Variants in PAG1 observed in about 807,000 individuals in gnomAD.
PAG1 encodes the protein phosphoprotein associated with glycosphingolipid-enriched microdomains 1.
In PAG1, 23 loss-of-function variants were observed where a neutral mutation model predicts 31.7. The observed-to-expected ratio is 0.73, with a 90% CI of 0.52 to 1.03. PAG1 has a LOEUF of 1.03. Ranked by LOEUF, PAG1 falls within the 50% of genes least tolerant of loss-of-function variation. The pLI, the probability that PAG1 is intolerant of heterozygous loss-of-function variation, is 0.00. For missense variants in PAG1, 473 were observed against 540.7 expected (o/e 0.87, Z 1.24); for synonymous variants, 214 against 210.3 (o/e 1.02, Z -0.15).
intron 1 of PAG1, among the ~76,000 whole-genome samples, chr8:81,092,841 C>T (rs972708999): frequency 6.6e-6 from 1 of 152,166 alleles, no homozygotes; most frequent in African/African-American, 2.4e-5. Context: ...TGGTAGTGAG[C>T]TTTAACAGGA....
At chr8:81,088,125 TG>T (rs1809389519) in intron 1 of PAG1, among the ~76,000 whole-genome samples, 1 of 152,224 alleles carries the variant, frequency 6.6e-6, no homozygotes, top group Non-Finnish European at 1.5e-5. Context: ...TCTTTAATTA[TG>T]TATTATTTAC....
At chr8:81,046,846 C>A (rs1052611846) in intron 2 of PAG1, among the ~76,000 whole-genome samples, 1 of 152,106 alleles carries the variant, frequency 6.6e-6, no homozygotes, top group Admixed American at 6.5e-5. Context: ...CCTCCTCCTA[C>A]CCCCCAACCC....
At chr8:80,999,337 AG>A (rs1429538434) in intron 3 of PAG1, among the ~76,000 whole-genome samples, 1 of 152,182 alleles carries the variant, frequency 6.6e-6, no homozygotes, top group African/African-American at 2.4e-5. Context: ...TCCTGCACTG[AG>A]TCAGGGGCAG....
Position 81,056,519 on chromosome 8 carries a change from G to A in PAG1, c.-175+13593C>T, listed in dbSNP as rs978117756. ...TGCTGGGAAAACTGGCTAGCCATAT[G>A]TAGAAAGCTGAAACTGGATCCCTTT... On this transcript the variant is annotated intron_variant, in intron 2 of 8. Transcript: ENST00000220597. Among the ~76,000 whole-genome samples the A allele has an allele frequency of 2.0e-5, 3 of 152,252 alleles. No homozygotes were observed. In the South Asian group the frequency reaches 6.2e-4, roughly 32 times the overall value.
In PAG1 at chr8:80,967,971, C is replaced by T. The variant is rs930926736; in HGVS notation, c.*8573G>A. The T allele has an allele frequency of 6.6e-6, 1 of 151,920 alleles. No homozygotes were observed. Among genetic ancestry groups the T allele is most frequent in the African/African-American group, 2.4e-5 (1 of 41,310 alleles). The allele number at this position is 151,920 out of a possible 1,614,324, so 9.4% of individuals were successfully genotyped here. On this transcript the variant is annotated 3_prime_UTR_variant, in exon 9 of 9. Transcript: ENST00000220597. Reference sequence around the variant, plus strand: ...ACTATAAGATATTACAAGTTAAACTCCAGTCTTTTCTGGATATTCAATTGA... The same window carrying T: ...ACTATAAGATATTACAAGTTAAACTTCAGTCTTTTCTGGATATTCAATTGA...
At chr8:80,995,423 AACC>A (rs1456611899) in intron 3 of PAG1, among the ~76,000 whole-genome samples, 1 of 152,262 alleles carries the variant, frequency 6.6e-6, no homozygotes, top group African/African-American at 2.4e-5. Context: ...AAATGAAAAT[AACC>A]ACCACTTCTG....
chr8:81,034,202 C>A (rs6473260), intron 2 of PAG1, among the ~76,000 whole-genome samples: 97,556 of 152,118 alleles, frequency 0.64, 32,209 homozygotes, highest in Non-Finnish European at 0.72. Context: ...CGATAACTGC[C>A]ATGTCAAAAG....
At chr8:81,030,731 T>C (rs4739610) in intron 2 of PAG1, among the ~76,000 whole-genome samples, 90,042 of 152,004 alleles carry the variant, frequency 0.59, 27,974 homozygotes, top group Non-Finnish European at 0.69. Flanking sequence ...ATCCTACCTG[T>C]TGTTCTGCTG....
At chr8:81,076,185 A>G (rs1474228132) in intron 1 of PAG1, among the ~76,000 whole-genome samples, 1 of 152,252 alleles carries the variant, frequency 6.6e-6, no homozygotes, top group Non-Finnish European at 1.5e-5. Context: ...AAGGCAGATC[A>G]AGTCCTTAGG....
At chr8:81,034,516 A>G (rs1168409954) in intron 2 of PAG1, among the ~76,000 whole-genome samples, 1 of 152,238 alleles carries the variant, frequency 6.6e-6, no homozygotes, top group African/African-American at 2.4e-5. Context: ...ACCAATAAAC[A>G]AAACTTAGAC....
At chr8:81,089,716 TC>T (rs1014826721) in intron 1 of PAG1, among the ~76,000 whole-genome samples, 2 of 152,206 alleles carry the variant, frequency 1.3e-5, no homozygotes, top group Non-Finnish European at 2.9e-5. Context: ...ATCTTTAGCT[TC>T]TACAGCTTTA....
At position 80,976,374 on chromosome 8, in the gene PAG1, C is replaced by A; in HGVS notation, c.*170G>T. On this transcript the variant is annotated 3_prime_UTR_variant, in exon 9 of 9. Coordinates refer to ENST00000220597, the MANE Select transcript of PAG1 (RefSeq NM_018440.4). ...CTCAGGTGCAGCCTAGTCCGTACCT[C>A]TCTGTCTCAGAAACTGAACAACTGG... 1.5e-6 allele frequency: 1 copy of A among 669,640 alleles called. No homozygotes were observed. The highest frequency in any genetic ancestry group is 2.5e-6 in the Non-Finnish European group (1 of 402,328). The allele number at this position is 669,640 out of a possible 1,614,324, so 41.5% of individuals were successfully genotyped here.
At chr8:81,061,299 G>T (rs1295651775) in intron 2 of PAG1, among the ~76,000 whole-genome samples, 1 of 152,186 alleles carries the variant, frequency 6.6e-6, no homozygotes, top group East Asian at 1.9e-4. Context: ...GATCTTGAGG[G>T]TTAACACCAG....
At chr8:81,076,447 T>C (rs139429334) in intron 1 of PAG1, among the ~76,000 whole-genome samples, 238 of 152,310 alleles carry the variant, frequency 1.6e-3, no homozygotes, top group African/African-American at 4.0e-3. Flanking sequence ...ACACACACAG[T>C]GCTGAGAAGC....
At chr8:81,082,262 A>C (rs1809280747) in intron 1 of PAG1, among the ~76,000 whole-genome samples, 1 of 151,292 alleles carries the variant, frequency 6.6e-6, no homozygotes, top group Admixed American at 6.6e-5. Context: ...CAAAAAAAAA[A>C]AAAAAAAAAA....
intron 3 of PAG1, among the ~76,000 whole-genome samples, chr8:81,029,355 C>A (rs1808337796): frequency 6.6e-6 from 1 of 151,358 alleles, no homozygotes; most frequent in Non-Finnish European, 1.5e-5. Flanking sequence ...GTCTCTCTCT[C>A]TCTCTCTCTC....
Position 81,069,575 on chromosome 8 carries a change from T to C in PAG1, c.-175+537A>G, listed in dbSNP as rs139292179. ...CCACATTTGGTCTGTTCGCAGAAGA[T>C]GACCCAAGGTTATTAAGGAATTATT... On this transcript the variant is annotated intron_variant, in intron 2 of 8. Coordinates refer to ENST00000220597, the MANE Select transcript of PAG1 (RefSeq NM_018440.4). Among the ~76,000 whole-genome samples the C allele has an allele frequency of 2.0e-3, 304 of 152,380 alleles. 2 individuals carry two copies. Among genetic ancestry groups the C allele is most frequent in the African/African-American group, 6.9e-3 (289 of 41,594 alleles).
Position 81,014,383 on chromosome 8 carries a change from G to C in PAG1, c.-81+15613C>G, listed in dbSNP as rs73277998. 6.7e-3 allele frequency among the ~76,000 whole-genome samples: 1,018 copies of C among 152,246 alleles called. 9 individuals carry two copies. The highest frequency in any genetic ancestry group is 0.023 in the African/African-American group (951 of 41,544). On this transcript the variant is annotated intron_variant, in intron 3 of 8. Coordinates refer to ENST00000220597, the MANE Select transcript of PAG1 (RefSeq NM_018440.4). ...AAACATTACTTTAAAAACAAACTGAGAGTTCAAAACAAACTATTTACTCTG... is the reference window on the plus strand; with the variant it reads ...AAACATTACTTTAAAAACAAACTGACAGTTCAAAACAAACTATTTACTCTG...
intron 3 of PAG1, among the ~76,000 whole-genome samples, chr8:80,995,006 G>A (rs749286178): frequency 6.6e-6 from 1 of 152,176 alleles, no homozygotes; most frequent in Non-Finnish European, 1.5e-5. Context: ...ACATCAAGAC[G>A]GCAGGGGTGG....
Sources: allele counts gnomAD v4.1 joint callset (sites outside exome capture counted in the v4.1 genomes callset), GRCh38; gene constraint gnomAD v4.1.1; transcripts MANE v1.5; gene names NCBI Gene and HGNC (gene_info 2026-07-23, HGNC 2026-07-21).